Variants in CHN1 observed in about 807,000 individuals in gnomAD.
CHN1 encodes N-chimaerin.
In CHN1, 37 loss-of-function variants were observed where a neutral mutation model predicts 59.5. That is an observed-to-expected ratio of 0.62 (90% CI 0.48 to 0.82). The LOEUF is 0.82. CHN1 is among the 40% of genes least tolerant of loss of function. The pLI is 0.00. For missense variants in CHN1, 469 were observed against 571.0 expected (o/e 0.82, Z 1.82); for synonymous variants, 206 against 200.4 (o/e 1.03, Z -0.24).
chr2:174,829,628 A>T (rs1475443834), intron 7 of CHN1, among the ~76,000 whole-genome samples: 1 of 152,232 alleles, frequency 6.6e-6, no homozygotes, highest in Admixed American at 6.5e-5. Flanking sequence ...GCAAATAGCC[A>T]AGGAGCATGC....
chr2:174,849,879 A>G (rs1157529214), intron 6 of CHN1, among the ~76,000 whole-genome samples: 1 of 152,216 alleles, frequency 6.6e-6, no homozygotes, highest in Non-Finnish European at 1.5e-5. Flanking sequence ...ATATCCACCC[A>G]GGTGAGAAAA....
At chr2:174,811,726 A>G in intron 9 of CHN1, 138 bp from the exon 10 acceptor site, 1 of 559,426 alleles carries the variant, frequency 1.8e-6, no homozygotes. Context: ...CTCTTCTCCT[A>G]GAATAAAACG....
chr2:174,973,097 C>T (rs937713181), intron 1 of CHN1, among the ~76,000 whole-genome samples: 2 of 152,166 alleles, frequency 1.3e-5, no homozygotes, highest in Admixed American at 6.5e-5. Flanking sequence ...AATTCTTCCA[C>T]ACTGGGTCAT....
At chr2:174,808,344 C>T (rs1411190215) in intron 11 of CHN1, among the ~76,000 whole-genome samples, 3 of 152,216 alleles carry the variant, frequency 2.0e-5, no homozygotes, top group Non-Finnish European at 4.4e-5. Flanking sequence ...AATGCAATGG[C>T]ACAATCTCAG....
intron 6 of CHN1, among the ~76,000 whole-genome samples, chr2:174,864,240 A>G (rs1037471628): frequency 1.3e-5 from 2 of 152,116 alleles, no homozygotes; most frequent in Non-Finnish European, 1.5e-5. Flanking sequence ...TATCTTAAAA[A>G]TCTTGTTTAT....
intron 3 of CHN1, among the ~76,000 whole-genome samples, chr2:174,927,619 A>AT (rs1393401502): frequency 6.6e-6 from 1 of 152,194 alleles, no homozygotes; most frequent in Non-Finnish European, 1.5e-5. Flanking sequence ...AAACTTTTCC[A>AT]TGGCTACAGT....
At chr2:174,995,485 G>C (rs1691677905) in intron 1 of CHN1, among the ~76,000 whole-genome samples, 1 of 152,170 alleles carries the variant, frequency 6.6e-6, no homozygotes, top group Non-Finnish European at 1.5e-5. Flanking sequence ...GGCATGCAAA[G>C]GGAATGTTTT....
chr2:174,970,394 G>A (rs1574226812), intron 1 of CHN1, among the ~76,000 whole-genome samples: 1 of 152,062 alleles, frequency 6.6e-6, no homozygotes, highest in Admixed American at 6.5e-5. Flanking sequence ...GTAAGCTTGC[G>A]ACTCCAACAA....
chr2:174,963,592 G>A (rs1302233323), intron 1 of CHN1, among the ~76,000 whole-genome samples: 1 of 152,196 alleles, frequency 6.6e-6, no homozygotes, highest in Non-Finnish European at 1.5e-5. Flanking sequence ...ACTGAGGAAA[G>A]TTTGTGACTC....
intron 5 of CHN1, among the ~76,000 whole-genome samples, chr2:174,893,214 G>A (rs1688107560): frequency 6.6e-6 from 1 of 152,088 alleles, no homozygotes. Context: ...CTCTTATGTA[G>A]AAAACCTTAA....
intron 5 of CHN1, among the ~76,000 whole-genome samples, chr2:174,903,066 C>T (rs1418367264): frequency 6.6e-6 from 1 of 152,136 alleles, no homozygotes; most frequent in East Asian, 1.9e-4. Context: ...CACAGAAATC[C>T]CTTGCTTAAT....
chr2:174,857,179 T>C (rs1292738346), intron 6 of CHN1, among the ~76,000 whole-genome samples: 2 of 152,140 alleles, frequency 1.3e-5, no homozygotes, highest in African/African-American at 4.8e-5. Context: ...GTGAGATAAA[T>C]TGAATACTTA....
chr2:174,915,207 T>C, intron 4 of CHN1, 36 bp from the exon 5 acceptor site: 1 of 1,496,900 alleles, frequency 6.7e-7, no homozygotes. Flanking sequence ...CTGTGCTTTC[T>C]ACATTTTTCA....
intron 7 of CHN1, among the ~76,000 whole-genome samples, chr2:174,841,736 C>T (rs1013731881): frequency 6.6e-6 from 1 of 151,936 alleles, no homozygotes; most frequent in East Asian, 1.9e-4. Flanking sequence ...GAATAATTCA[C>T]ATTATTCCTT....
chr2:174,955,207 ATATATATATATC>A (rs1162372187), intron 1 of CHN1, among the ~76,000 whole-genome samples: 7 of 40,424 alleles, frequency 1.7e-4, no homozygotes, highest in African/African-American at 9.6e-4. Context: ...TATAATTGAT[ATATATATATATC>A]TATATAGATA....
intron 6 of CHN1, among the ~76,000 whole-genome samples, chr2:174,871,032 T>C (rs1476877750): frequency 6.6e-6 from 1 of 152,020 alleles, no homozygotes; most frequent in Non-Finnish European, 1.5e-5. Context: ...TTTCTGTGGG[T>C]GATAAGATGG....
At chr2:174,894,875 T>C (rs570971671) in intron 5 of CHN1, among the ~76,000 whole-genome samples, 1 of 152,184 alleles carries the variant, frequency 6.6e-6, no homozygotes, top group South Asian at 2.1e-4. Context: ...CGTCTTACAT[T>C]GCGTGCCATT....
chr2:174,868,144 A>G (rs1480498856), intron 6 of CHN1, among the ~76,000 whole-genome samples: 1 of 152,170 alleles, frequency 6.6e-6, no homozygotes, highest in Non-Finnish European at 1.5e-5. Flanking sequence ...ACTTGGAAAA[A>G]TATCTTAAAT....
chr2:174,978,827 G>C (rs1250988816), intron 1 of CHN1, among the ~76,000 whole-genome samples: 1 of 152,144 alleles, frequency 6.6e-6, no homozygotes, highest in Non-Finnish European at 1.5e-5. Flanking sequence ...GACCAAACCA[G>C]TAATAAAATG....
Sources: allele counts gnomAD v4.1 joint callset (sites outside exome capture counted in the v4.1 genomes callset), GRCh38; gene constraint gnomAD v4.1.1; transcripts MANE v1.5; gene names NCBI Gene and HGNC (gene_info 2026-07-23, HGNC 2026-07-21).